Variants in SEC61A2 observed in about 807,000 individuals in gnomAD.
SEC61A2 encodes protein transport protein Sec61 subunit alpha isoform 2.
A neutral mutation model predicts 59.9 loss-of-function variants in SEC61A2; 28 were observed. The ratio of observed to expected loss-of-function variants is 0.47; its 90% CI spans 0.35 to 0.64. SEC61A2 has a LOEUF of 0.64. Among genes scored for constraint, SEC61A2 ranks in the 30% least tolerant of loss-of-function variants. SEC61A2 has a pLI of 0.01. For missense variants in SEC61A2, 340 were observed against 585.9 expected (o/e 0.58, Z 4.33); for synonymous variants, 202 against 214.4 (o/e 0.94, Z 0.50).
chr10:12,166,858 G>A, downstream of SEC61A2: 2 of 422,244 alleles, frequency 4.7e-6, no homozygotes, highest in South Asian at 1.8e-5. Context: ...AGATCAATCT[G>A]TACTTCTTGC....
chr10:12,145,022 C>T lies in SEC61A2; in HGVS notation c.220+1827C>T, dbSNP rs1318816353. 3.3e-5 allele frequency among the ~76,000 whole-genome samples: 5 copies of T among 151,570 alleles called. No homozygotes were observed. Among genetic ancestry groups the T allele is most frequent in the Admixed American group, 1.3e-4 (2 of 15,210 alleles). On this transcript the variant is annotated intron_variant, in intron 4 of 11. Coordinates refer to ENST00000298428, the MANE Select transcript of SEC61A2 (RefSeq NM_018144.4). This position sits in a 1 kb window ranked among gnomAD's most constrained non-coding sequence, Gnocchi z 4.4. ...CGAGATCACGCCACTGCACTCTAGCCGGGGCGACACAACCAGACCCTGTCT... is the reference window on the plus strand; with the variant it reads ...CGAGATCACGCCACTGCACTCTAGCTGGGGCGACACAACCAGACCCTGTCT...
At position 12,162,300 on chromosome 10, in the gene SEC61A2, T is replaced by C; in HGVS notation, c.1244+11T>C. ...TCATGAGCTTAATAGGTAAGGCTGC[T>C]AGACTGACACCTTTATAGGCCTGTG... is the stretch of plus-strand genomic sequence containing the variant. On this transcript the variant is annotated intron_variant, in intron 11 of 11. Transcript: ENST00000298428. This position sits in a 1 kb window ranked among gnomAD's most constrained non-coding sequence, Gnocchi z 6.1. The C allele has an allele frequency of 6.2e-7, 1 of 1,602,834 alleles. No homozygotes were observed. Among genetic ancestry groups the C allele is most frequent in the Non-Finnish European group, 8.5e-7 (1 of 1,169,706 alleles).
intron 3 of SEC61A2, 68 bp downstream of exon 3, chr10:12,136,238 A>T: frequency 9.8e-7 from 1 of 1,020,208 alleles, no homozygotes; most frequent in South Asian, 1.4e-5. Flanking sequence ...TTAGAATTTG[A>T]GAATTTTTTT....
chr10:12,140,147 G>A (rs1797197165), intron 3 of SEC61A2, among the ~76,000 whole-genome samples: 4 of 152,282 alleles, frequency 2.6e-5, no homozygotes, highest in African/African-American at 7.2e-5. Flanking sequence ...TTATGTTCCA[G>A]TGAGAGGTTT....
In SEC61A2 at chr10:12,164,422, G is replaced by C. The variant is rs943529636; in HGVS notation, c.1399G>C (p.Glu467Gln). ...TGAAATATTTGTTAAAGAACAGGCC[G>C]AAGTTGGTGGGATGGGTGCTTTGTT... ...YFEIFVKEQA[E>Q]VGGMGALFF Residue 467 changes from glutamate to glutamine, a missense_variant, in exon 12 of 12, where the codon GAA becomes CAA. Coordinates refer to ENST00000298428, the MANE Select transcript of SEC61A2 (RefSeq NM_018144.4). The surrounding 1 kb of genome is among the most constrained non-coding windows in gnomAD (Gnocchi z 7.3). 2 of 1,613,102 alleles carry C rather than the reference G, an allele frequency of 1.2e-6. No individual in the cohort carries two copies. Among genetic ancestry groups the C allele is most frequent in the Non-Finnish European group, 1.7e-6 (2 of 1,179,578 alleles).
rs1256434729 is a variant in SEC61A2, at chr10:12,161,922, A to G, written c.1168-291A>G. 1.3e-5 allele frequency among the ~76,000 whole-genome samples: 2 copies of G among 152,194 alleles called. No individual in the cohort carries two copies. Among genetic ancestry groups the G allele is most frequent in the Non-Finnish European group, 2.9e-5 (2 of 68,040 alleles). ...CCAACAGGCTAAAAATTGGTTCCCA[A>G]AAGGTAAAAAATTCTTAGATATTAC... On this transcript the variant is annotated intron_variant, in intron 10 of 11. Coordinates refer to ENST00000298428, the MANE Select transcript of SEC61A2 (RefSeq NM_018144.4). This position sits in a 1 kb window ranked among gnomAD's most constrained non-coding sequence, Gnocchi z 5.4.
chr10:12,131,033 TGTG>T (rs1215609884), intron 1 of SEC61A2, among the ~76,000 whole-genome samples: 1 of 152,008 alleles, frequency 6.6e-6, no homozygotes, highest in East Asian at 1.9e-4. Flanking sequence ...ATCAGCCTGG[TGTG>T]GTGGTGGGCG....
rs554832050 is a variant in SEC61A2 at position 12,149,257 on chromosome 10, T to A, written c.221-338T>A. On this transcript the variant is annotated intron_variant, in intron 4 of 11. Coordinates refer to ENST00000298428, the MANE Select transcript of SEC61A2 (RefSeq NM_018144.4). The surrounding 1 kb of genome is among the most constrained non-coding windows in gnomAD (Gnocchi z 5.2). ...GGTGCCCGCCACCACACCTGGCTAA[T>A]TTTTGCATTTTTAGTAGAGACGGGG... 6.6e-6 allele frequency among the ~76,000 whole-genome samples: 1 copy of A among 152,042 alleles called. No homozygotes were observed. Among genetic ancestry groups the A allele is most frequent in the Non-Finnish European group, 1.5e-5 (1 of 67,990 alleles).
rs915417725 is a variant in SEC61A2 at position 12,164,538 on chromosome 10, T to A, written c.*84T>A. The A allele has an allele frequency of 6.5e-7, 1 of 1,526,836 alleles. No individual in the cohort carries two copies. The highest frequency in any genetic ancestry group is 2.1e-5 in the Admixed American group (1 of 46,828). The allele number at this position is 1,526,836 out of a possible 1,614,324, so 94.6% of individuals were successfully genotyped here. ...TGTCAGATGACACTGGTGGCTCCCCTTTTCTCCCCTCACAGTTTCTTGTTT... is the reference window on the plus strand; with the variant it reads ...TGTCAGATGACACTGGTGGCTCCCCATTTCTCCCCTCACAGTTTCTTGTTT... On this transcript the variant is annotated 3_prime_UTR_variant, in exon 12 of 12. Transcript: ENST00000298428. This position sits in a 1 kb window ranked among gnomAD's most constrained non-coding sequence, Gnocchi z 7.3.
At position 12,143,139 on chromosome 10, in the gene SEC61A2, C is replaced by A. The variant is rs1410371053; in HGVS notation, c.164C>A (p.Ser55Ter). ...CCQIPLFGIM[S>*]SDSADPFYWM... Reference sequence around the variant, plus strand: ...TAGATCCCACTGTTTGGAATCATGTCATCAGATTCTGCAGATCCTTTCTAC... The same window carrying A: ...TAGATCCCACTGTTTGGAATCATGTAATCAGATTCTGCAGATCCTTTCTAC... Residue 55 changes from serine to a stop codon, truncating the protein, a stop_gained, in exon 4 of 12, where the codon TCA becomes TAA. Transcript: ENST00000298428. LOFTEE classifies it high-confidence loss of function. This position sits in a 1 kb window ranked among gnomAD's most constrained non-coding sequence, Gnocchi z 4.8. 1 of 1,612,614 alleles carries A rather than the reference C, an allele frequency of 6.2e-7. No homozygotes were observed.
At chr10:12,167,688 T>G (rs959690695), downstream of SEC61A2, 8 of 1,612,436 alleles carry the variant, frequency 5.0e-6, no homozygotes, top group Admixed American at 1.7e-5. Context: ...AAATGGCCAG[T>G]GTCATATTTG....
At chr10:12,165,585 GA>G (rs1201331949), downstream of SEC61A2, 1 of 155,768 alleles carries the variant, frequency 6.4e-6, no homozygotes, top group Admixed American at 6.5e-5. Context: ...GAGGAAACAG[GA>G]AAACAGTGGT....
chr10:12,131,322 G>A (rs896373179), intron 1 of SEC61A2, among the ~76,000 whole-genome samples: 3 of 152,174 alleles, frequency 2.0e-5, no homozygotes, highest in Admixed American at 6.6e-5. Flanking sequence ...AGAATCCAGT[G>A]TCTGTAGGGG....
At chr10:12,135,000 A>G (rs188100675) in intron 2 of SEC61A2, among the ~76,000 whole-genome samples, 1 of 152,018 alleles carries the variant, frequency 6.6e-6, no homozygotes. Flanking sequence ...GGATGTCACG[A>G]TGGGGAACTT....
intron 4 of SEC61A2, among the ~76,000 whole-genome samples, chr10:12,146,947 G>A (rs1834154367): frequency 6.6e-6 from 1 of 152,116 alleles, no homozygotes; most frequent in Non-Finnish European, 1.5e-5. Context: ...AGGCTGGAGT[G>A]CAGTGGTGCA....
chr10:12,157,069 T>TA lies in SEC61A2; in HGVS notation c.777+4dup. 1 of 1,613,122 alleles carries TA rather than the reference T, an allele frequency of 6.2e-7. No homozygotes were observed. Among genetic ancestry groups the TA allele is most frequent in the Non-Finnish European group, 8.5e-7 (1 of 1,179,368 alleles). ...TTTGCTGTTGTTATATATTTCCAAG[T>TA]AAGTATAACCTTTTCACCAAAGTAA... On this transcript the variant is annotated splice_region_variant and intron_variant, in intron 8 of 11. Transcript: ENST00000298428.
In SEC61A2 at chr10:12,162,174, G is replaced by A. The variant is rs1409968879; in HGVS notation, c.1168-39G>A. On this transcript the variant is annotated intron_variant, in intron 10 of 11. Transcript: ENST00000298428. This position sits in a 1 kb window ranked among gnomAD's most constrained non-coding sequence, Gnocchi z 6.1. ...ACGTGGTAGATGTAAGCAGTGAAATGTTCCAGTTGGATTTTGAAAGTCGTT... is the reference window on the plus strand; with the variant it reads ...ACGTGGTAGATGTAAGCAGTGAAATATTCCAGTTGGATTTTGAAAGTCGTT... The A allele has an allele frequency of 6.5e-7, 1 of 1,542,970 alleles. No homozygotes were observed. Among genetic ancestry groups the A allele is most frequent in the Admixed American group, 1.7e-5 (1 of 59,732 alleles).
Position 12,155,238 on chromosome 10 carries a change from G to A in SEC61A2, c.463-540G>A. 1 of 1,066,772 alleles carries A rather than the reference G, an allele frequency of 9.4e-7. No homozygotes were observed. Among genetic ancestry groups the A allele is most frequent in the Non-Finnish European group, 1.3e-6 (1 of 799,428 alleles). The allele number at this position is 1,066,772 out of a possible 1,614,324, so 66.1% of individuals were successfully genotyped here. A position where few individuals can be genotyped will look rare whatever the true frequency, so the allele number is the denominator to read the frequency against. On this transcript the variant is annotated intron_variant, in intron 6 of 11. Coordinates refer to ENST00000298428, the MANE Select transcript of SEC61A2 (RefSeq NM_018144.4). The surrounding 1 kb of genome is among the most constrained non-coding windows in gnomAD (Gnocchi z 4.3). ...AGTACGTATTTGAGTACATATTTGTGTTCTAGTTTTTTATTCTGTACACAT... is the reference window on the plus strand; with the variant it reads ...AGTACGTATTTGAGTACATATTTGTATTCTAGTTTTTTATTCTGTACACAT...
Position 12,129,738 on chromosome 10 carries a change from A to T in SEC61A2, c.-50A>T. 2 of 1,484,666 alleles carry T rather than the reference A, an allele frequency of 1.3e-6. No homozygotes were observed. Among genetic ancestry groups the T allele is most frequent in the Non-Finnish European group, 1.8e-6 (2 of 1,121,838 alleles). The allele number at this position is 1,484,666 out of a possible 1,614,324, so 92.0% of individuals were successfully genotyped here. Reference sequence around the variant, plus strand: ...AGGCCCGAGCCGCGGGAGTCGAGCGAAGGCAGCGCCGAGGCCGCGGTTTCC... The same window carrying T: ...AGGCCCGAGCCGCGGGAGTCGAGCGTAGGCAGCGCCGAGGCCGCGGTTTCC... On this transcript the variant is annotated 5_prime_UTR_variant, in exon 1 of 12. Transcript: ENST00000298428. The surrounding 1 kb of genome is among the most constrained non-coding windows in gnomAD (Gnocchi z 5.6).
Sources: gnomAD v4.1 joint callset for allele counts (sites outside exome capture counted in the v4.1 genomes callset) on GRCh38, gnomAD v4.1.1 for gene constraint, Gnocchi (gnomAD v3.1) non-coding constraint, MANE v1.5 for transcripts, NCBI Gene and HGNC (gene_info 2026-07-23, HGNC 2026-07-21) for gene names.